The following DGKB variants were observed in gnomAD, a reference collection of about 807,000 sequenced individuals.
DGKB encodes diacylglycerol kinase beta.
Under a neutral mutation model 114.3 loss-of-function variants are expected in DGKB, and 67 were observed. The ratio of observed to expected loss-of-function variants is 0.59; its 90% CI spans 0.48 to 0.72. DGKB has a LOEUF of 0.72. Among genes scored for constraint, DGKB ranks in the 30% least tolerant of loss-of-function variants. DGKB has a pLI of 0.00. For missense variants in DGKB, 907 were observed against 975.2 expected, an observed-to-expected ratio of 0.93 and a Z score of 0.93; for synonymous variants, 398 against 323.1, an observed-to-expected ratio of 1.23 and a Z score of -2.49.
At chr7:14,389,811 C>T (rs2128704562) in intron 21 of DGKB, among the ~76,000 whole-genome samples, 1 of 152,290 alleles carries the variant, frequency 6.6e-6, no homozygotes, top group African/African-American at 2.4e-5. Context: ...ATATGGATTT[C>T]TCTGGCTTAC....
intron 17 of DGKB, among the ~76,000 whole-genome samples, chr7:14,587,924 G>T (rs1375382659): frequency 6.6e-6 from 1 of 152,108 alleles, no homozygotes; most frequent in Non-Finnish European, 1.5e-5. Context: ...ACTTTATTGT[G>T]ATATTCACTT....
intron 22 of DGKB, among the ~76,000 whole-genome samples, chr7:14,341,457 T>C (rs1157765981): frequency 6.6e-6 from 1 of 151,874 alleles, no homozygotes; most frequent in Non-Finnish European, 1.5e-5. Context: ...TTGAGATTTA[T>C]GACTTTTAAA....
intron 21 of DGKB, among the ~76,000 whole-genome samples, chr7:14,422,506 TACTC>T (rs1738669603): frequency 1.3e-5 from 2 of 152,044 alleles, no homozygotes; most frequent in Non-Finnish European, 2.9e-5. Flanking sequence ...TTTCCACAAT[TACTC>T]ACATACCGCA....
chr7:14,776,352 A>C (rs1838181147), intron 2 of DGKB, among the ~76,000 whole-genome samples: 1 of 152,224 alleles, frequency 6.6e-6, no homozygotes, highest in African/African-American at 2.4e-5. Flanking sequence ...AATGTTAATC[A>C]CCAAGACAAT....
intron 13 of DGKB, among the ~76,000 whole-genome samples, chr7:14,637,856 G>T (rs1811039463): frequency 6.6e-6 from 1 of 151,514 alleles, no homozygotes; most frequent in Admixed American, 6.6e-5. Flanking sequence ...TATTCTATTG[G>T]AGTAACATTC....
At chr7:14,247,658 T>A (rs963027522) in intron 23 of DGKB, among the ~76,000 whole-genome samples, 1 of 152,118 alleles carries the variant, frequency 6.6e-6, no homozygotes, top group Non-Finnish European at 1.5e-5. Context: ...TTTTGCAAAA[T>A]GTCTATTCAG....
intron 15 of DGKB, among the ~76,000 whole-genome samples, chr7:14,618,416 T>C (rs1395383640): frequency 2.6e-5 from 4 of 151,656 alleles, no homozygotes; most frequent in African/African-American, 9.7e-5. Flanking sequence ...TAAATGACCC[T>C]TTTATTTGGA....
At chr7:14,234,742 G>C (rs1792499759) in intron 23 of DGKB, among the ~76,000 whole-genome samples, 1 of 151,974 alleles carries the variant, frequency 6.6e-6, no homozygotes, top group African/African-American at 2.4e-5. Flanking sequence ...ATGGAACTTA[G>C]AAAAGGTGAT....
intron 21 of DGKB, among the ~76,000 whole-genome samples, chr7:14,419,030 A>G (rs10486032): frequency 0.19 from 28,971 of 151,834 alleles, 2,963 homozygotes; most frequent in African/African-American, 0.22. Context: ...GAAACCTGTC[A>G]TTGAATATGA....
At chr7:14,744,320 T>C (rs1390956132) in intron 4 of DGKB, among the ~76,000 whole-genome samples, 1 of 152,188 alleles carries the variant, frequency 6.6e-6, no homozygotes, top group Non-Finnish European at 1.5e-5. Flanking sequence ...AGATGGGTTG[T>C]TTTACCAAGG....
intron 23 of DGKB, among the ~76,000 whole-genome samples, chr7:14,302,367 A>G (rs1692522461): frequency 6.6e-6 from 1 of 152,084 alleles, no homozygotes; most frequent in African/African-American, 2.4e-5. Flanking sequence ...CAGCAAGTGT[A>G]TATTTTATTT....
At chr7:14,892,862 ATATG>A (rs1257158644) in intron 1 of DGKB, among the ~76,000 whole-genome samples, 5 of 76,228 alleles carry the variant, frequency 6.6e-5, no homozygotes, top group African/African-American at 3.2e-4. Flanking sequence ...CCATATATAT[ATATG>A]TGTGTGTGTG....
At chr7:14,276,500 G>C (rs1400547767) in intron 23 of DGKB, among the ~76,000 whole-genome samples, 1 of 151,964 alleles carries the variant, frequency 6.6e-6, no homozygotes, top group Non-Finnish European at 1.5e-5. Context: ...GTACATAAGA[G>C]AAAATTTTTG....
chr7:14,184,550 C>T (rs948190123), intron 23 of DGKB, among the ~76,000 whole-genome samples: 4 of 152,058 alleles, frequency 2.6e-5, no homozygotes. Flanking sequence ...CAGAGGCAGC[C>T]ATAATCCTCC....
At chr7:14,706,616 C>A (rs1386669973) in intron 6 of DGKB, among the ~76,000 whole-genome samples, 1 of 79,556 alleles carries the variant, frequency 1.3e-5, no homozygotes, top group Non-Finnish European at 2.3e-5. Flanking sequence ...AACAAACTAT[C>A]TCTCAGACCA....
chr7:14,481,208 T>C (rs1040690109), intron 20 of DGKB, among the ~76,000 whole-genome samples: 8 of 151,970 alleles, frequency 5.3e-5, no homozygotes, highest in Non-Finnish European at 1.0e-4. Flanking sequence ...AAATACTTGA[T>C]CACTAGTATT....
chr7:14,909,031 G>T (rs1379624343), intron 1 of DGKB, among the ~76,000 whole-genome samples: 2 of 152,112 alleles, frequency 1.3e-5, no homozygotes, highest in Admixed American at 6.6e-5. Context: ...GATAAATATG[G>T]ATATTAAAAT....
intron 20 of DGKB, among the ~76,000 whole-genome samples, chr7:14,523,468 T>C (rs759588250): frequency 1.7e-4 from 26 of 152,190 alleles, no homozygotes; most frequent in Admixed American, 6.5e-5. Context: ...TGTTTCCTTC[T>C]TATAGTTCAG....
chr7:14,515,635 C>G (rs1788671041), intron 20 of DGKB, among the ~76,000 whole-genome samples: 1 of 152,146 alleles, frequency 6.6e-6, no homozygotes, highest in South Asian at 2.1e-4. Flanking sequence ...TTTAAGTGTT[C>G]AATACCAAAG....
Sources: gnomAD v4.1 joint callset for allele counts (sites outside exome capture counted in the v4.1 genomes callset) on GRCh38, gnomAD v4.1.1 for gene constraint, MANE v1.5 for transcripts, NCBI Gene and HGNC (gene_info 2026-07-23, HGNC 2026-07-21) for gene names.